The following SORCS2 variants were observed in gnomAD, a reference collection of about 807,000 sequenced individuals.
SORCS2 encodes VPS10 domain-containing receptor SorCS2.
A neutral mutation model predicts 141.6 loss-of-function variants in SORCS2; 100 were observed. The ratio of observed to expected loss-of-function variants is 0.71; its 90% CI spans 0.60 to 0.83. The LOEUF (loss-of-function observed/expected upper bound fraction) is 0.83. Among genes scored for constraint, SORCS2 ranks in the 40% least tolerant of loss-of-function variants. The pLI, the probability that SORCS2 is intolerant of heterozygous loss-of-function variation, is 0.00. For missense variants in SORCS2, 1,646 were observed against 1,560.2 expected, an observed-to-expected ratio of 1.05 and a Z score of -0.93; for synonymous variants, 789 against 676.9, an observed-to-expected ratio of 1.17 and a Z score of -2.57.
chr4:7,381,639 G>A lies in SORCS2; in HGVS notation c.481-14649G>A, dbSNP rs765450255. Among the ~76,000 whole-genome samples, 7 of 152,048 alleles carry A rather than the reference G, an allele frequency of 4.6e-5. No individual in the cohort carries two copies. In the South Asian group the frequency reaches 6.2e-4, roughly 14 times the overall value. On this transcript the variant is annotated intron_variant, in intron 1 of 26. Transcript: ENST00000507866. Reference sequence around the variant, plus strand: ...CCAACTCTCTTACTCACAGAATGATGTAAACCTTCTCTTTGAAACAATTTC... The same window carrying A: ...CCAACTCTCTTACTCACAGAATGATATAAACCTTCTCTTTGAAACAATTTC...
chr4:7,361,694 G>A (rs988304724), intron 1 of SORCS2, among the ~76,000 whole-genome samples: 6 of 150,780 alleles, frequency 4.0e-5, no homozygotes, highest in Admixed American at 2.6e-4. Flanking sequence ...GTGGGGGCCC[G>A]GGGAAGGGCT....
At chr4:7,508,774 A>T (rs1314518072) in intron 2 of SORCS2, among the ~76,000 whole-genome samples, 2 of 152,248 alleles carry the variant, frequency 1.3e-5, no homozygotes, top group East Asian at 3.8e-4. Flanking sequence ...TGTAGCACGC[A>T]TCAGTGCTCA....
intron 3 of SORCS2, among the ~76,000 whole-genome samples, chr4:7,636,767 G>C (rs923189554): frequency 2.6e-5 from 4 of 152,032 alleles, no homozygotes; most frequent in African/African-American, 2.4e-5. Context: ...ACGATTCCCG[G>C]TTGGAGGAGC....
At chr4:7,709,332 G>T (rs1175915080) in intron 14 of SORCS2, among the ~76,000 whole-genome samples, 1 of 152,200 alleles carries the variant, frequency 6.6e-6, no homozygotes, top group African/African-American at 2.4e-5. Flanking sequence ...GTCTCTGCAG[G>T]GTGCCAAGCC....
chr4:7,534,233 T>G (rs1276676887), intron 3 of SORCS2, among the ~76,000 whole-genome samples: 1 of 152,184 alleles, frequency 6.6e-6, no homozygotes, highest in Non-Finnish European at 1.5e-5. Context: ...TGTAGCCGCA[T>G]CAGGTTTGCC....
chr4:7,709,346 C>T (rs895589974), intron 14 of SORCS2, among the ~76,000 whole-genome samples: 3 of 152,208 alleles, frequency 2.0e-5, no homozygotes, highest in Non-Finnish European at 2.9e-5. Flanking sequence ...CCAAGCCCTT[C>T]GCCCCGGCTG....
intron 1 of SORCS2, among the ~76,000 whole-genome samples, chr4:7,373,478 A>ATATATATATATATATTTTTT (rs1470691140): frequency 2.7e-5 from 1 of 36,818 alleles, no homozygotes; most frequent in African/African-American, 1.6e-4. Context: ...ATATATATAT[A>ATATATATATATATATTTTTT]TTTTTTTTTT....
intron 2 of SORCS2, among the ~76,000 whole-genome samples, chr4:7,505,649 G>A (rs979090031): frequency 1.6e-4 from 25 of 152,122 alleles, no homozygotes; most frequent in African/African-American, 5.8e-4. Flanking sequence ...GGCCTGGCAC[G>A]GAGAGGGTAC....
chr4:7,655,040 T>A (rs1462378727), intron 5 of SORCS2, among the ~76,000 whole-genome samples: 1 of 152,014 alleles, frequency 6.6e-6, no homozygotes, highest in African/African-American at 2.4e-5. Flanking sequence ...TTGCCCAGGG[T>A]CTTAGGCAGC....
intron 3 of SORCS2, among the ~76,000 whole-genome samples, chr4:7,557,086 A>G (rs986855795): frequency 6.6e-6 from 1 of 152,092 alleles, no homozygotes; most frequent in Non-Finnish European, 1.5e-5. Context: ...CTCTCCTCTC[A>G]GTGGGAAGAC....
At position 7,382,108 on chromosome 4, in the gene SORCS2, G is replaced by A. The variant is rs569355768; in HGVS notation, c.481-14180G>A. ...GCCTCCAGAAGGACCTTGAAGGGTG[G>A]GTGGTGCTGCTGGTGGAGCGGGGAG... On this transcript the variant is annotated intron_variant, in intron 1 of 26. Transcript: ENST00000507866. The A allele has an allele frequency of 2.3e-5, 11 of 477,542 alleles. No individual in the cohort carries two copies. In the South Asian group the frequency reaches 9.7e-4, roughly 42 times the overall value. 29.6% of individuals were successfully genotyped at this position (477,542 alleles called of 1,614,324 possible). A position where few individuals can be genotyped will look rare whatever the true frequency, so the allele number is the denominator to read the frequency against.
At chr4:7,348,793 T>C (rs1397260046) in intron 1 of SORCS2, among the ~76,000 whole-genome samples, 1 of 152,194 alleles carries the variant, frequency 6.6e-6, no homozygotes, top group Non-Finnish European at 1.5e-5. Flanking sequence ...CCTAAGGTGA[T>C]CCACCCACGT....
intron 12 of SORCS2, among the ~76,000 whole-genome samples, chr4:7,702,936 A>G (rs1367310210): frequency 1.3e-5 from 2 of 152,084 alleles, no homozygotes; most frequent in Non-Finnish European, 2.9e-5. Context: ...GTGTATCGTA[A>G]ATATTTTTCT....
intron 1 of SORCS2, among the ~76,000 whole-genome samples, chr4:7,339,416 G>A (rs968823438): frequency 2.0e-5 from 3 of 152,224 alleles, no homozygotes; most frequent in East Asian, 1.9e-4. Context: ...TCTGGAGGCC[G>A]GAAGCCTGAG....
At chr4:7,700,695 GCCCCCGCTCCA>G in intron 12 of SORCS2, among the ~76,000 whole-genome samples, 1 of 152,274 alleles carries the variant, frequency 6.6e-6, no homozygotes, top group East Asian at 1.9e-4. Context: ...CAACTCCCCT[GCCCCCGCTCCA>G]CCCCCGGGGG....
At chr4:7,523,886 C>A (rs957076547) in intron 2 of SORCS2, among the ~76,000 whole-genome samples, 7 of 152,168 alleles carry the variant, frequency 4.6e-5, no homozygotes, top group African/African-American at 1.7e-4. Flanking sequence ...AGCAAGAGGC[C>A]CCCTCCCTCC....
At chr4:7,341,935 A>G (rs1429817570) in intron 1 of SORCS2, among the ~76,000 whole-genome samples, 1 of 152,132 alleles carries the variant, frequency 6.6e-6, no homozygotes, top group Non-Finnish European at 1.5e-5. Context: ...TTTTATGTTG[A>G]TAGAATCATA....
chr4:7,347,094 C>T (rs527387754), intron 1 of SORCS2, among the ~76,000 whole-genome samples: 7 of 152,212 alleles, frequency 4.6e-5, no homozygotes, highest in Admixed American at 2.6e-4. Flanking sequence ...GGCTATGACC[C>T]AGCCCACTTA....
At chr4:7,703,113 A>G (rs1725184889) in intron 12 of SORCS2, among the ~76,000 whole-genome samples, 167 bp from the exon 13 acceptor site, 1 of 152,116 alleles carries the variant, frequency 6.6e-6, no homozygotes, top group African/African-American at 2.4e-5. Context: ...TGGGCTGGGA[A>G]AGCTCGGGGA....
Sources: gnomAD v4.1 joint callset for allele counts (sites outside exome capture counted in the v4.1 genomes callset) on GRCh38, gnomAD v4.1.1 for gene constraint, MANE v1.5 for transcripts, NCBI Gene and HGNC (gene_info 2026-07-23, HGNC 2026-07-21) for gene names.